The following PCDH9 variants were observed in gnomAD, a reference collection of about 807,000 sequenced individuals.
PCDH9 encodes the protein protocadherin 9, also known as protocadherin-9.
Under a neutral mutation model 70.6 loss-of-function variants are expected in PCDH9, and 24 were observed. That is an observed-to-expected ratio of 0.34 (90% CI 0.25 to 0.48). PCDH9 has a LOEUF of 0.48. Ranked by LOEUF, PCDH9 falls within the 20% of genes least tolerant of loss-of-function variation. The probability of loss-of-function intolerance (pLI) is 0.99; values close to 1 mark genes in which losing one functional copy is unlikely to be tolerated. For synonymous variants in PCDH9, 562 were observed against 558.5 expected (o/e 1.01, Z -0.09); for missense variants, 1,281 against 1,503.6 (o/e 0.85, Z 2.45).
chr13:67,104,137 C>T (rs2086488564), intron 2 of PCDH9, among the ~76,000 whole-genome samples: 2 of 152,280 alleles, frequency 1.3e-5, no homozygotes, highest in South Asian at 4.1e-4. Flanking sequence ...AACCAACTGA[C>T]AGCACCACAT....
At chr13:66,407,694 T>A (rs2138313598) in intron 4 of PCDH9, among the ~76,000 whole-genome samples, 1 of 152,322 alleles carries the variant, frequency 6.6e-6, no homozygotes, top group Admixed American at 6.5e-5. Flanking sequence ...CCACTAATTT[T>A]TAACACGAAA....
intron 3 of PCDH9, among the ~76,000 whole-genome samples, chr13:66,631,799 A>T (rs938937870): frequency 1.3e-5 from 2 of 152,224 alleles, no homozygotes; most frequent in Admixed American, 6.5e-5. Flanking sequence ...GCAATATTTC[A>T]TTTCTTTTGA....
chr13:67,210,628 A>T (rs2089449444), intron 2 of PCDH9: 1 of 137,384 alleles, frequency 7.3e-6, no homozygotes, highest in Admixed American at 7.3e-5. Context: ...TAATAGAAAT[A>T]AAAAAATGGT....
At chr13:66,442,962 T>A (rs1166890528) in intron 4 of PCDH9, among the ~76,000 whole-genome samples, 1 of 152,244 alleles carries the variant, frequency 6.6e-6, no homozygotes, top group East Asian at 1.9e-4. Flanking sequence ...TTTCCCTTTT[T>A]GGTTTACACA....
At chr13:66,941,737 A>G (rs938859367) in intron 2 of PCDH9, among the ~76,000 whole-genome samples, 2 of 151,964 alleles carry the variant, frequency 1.3e-5, no homozygotes, top group Non-Finnish European at 2.9e-5. Context: ...TAGTTTCAAT[A>G]TACATGAAGT....
Position 66,503,706 on chromosome 13 carries a change from G to A in PCDH9, c.3340+127504C>T, listed in dbSNP as rs118088784. 4.7e-3 allele frequency among the ~76,000 whole-genome samples: 710 copies of A among 152,186 alleles called. 31 individuals are homozygous for A. In the East Asian group the frequency reaches 0.091, roughly 20 times the overall value. ...TCCAAAAGATAATATAAGTGAAAGC[G>A]CTTTGCATAGTATGCTTTTAGTTCA... On this transcript the variant is annotated intron_variant, in intron 4 of 4. Transcript: ENST00000377865.
At chr13:67,221,055 G>T (rs1055968043) in intron 2 of PCDH9, 1 of 152,026 alleles carries the variant, frequency 6.6e-6, no homozygotes, top group Non-Finnish European at 1.5e-5. Flanking sequence ...CTTAGCCAAA[G>T]AGCCATAGAA....
At chr13:66,552,673 G>A (rs1412537192) in intron 4 of PCDH9, among the ~76,000 whole-genome samples, 2 of 151,974 alleles carry the variant, frequency 1.3e-5, no homozygotes, top group Admixed American at 6.6e-5. Flanking sequence ...ATACTTTGGG[G>A]GGAAATCACA....
chr13:67,018,048 T>C (rs166336), intron 2 of PCDH9, among the ~76,000 whole-genome samples: 1 of 151,784 alleles, frequency 6.6e-6, no homozygotes, highest in African/African-American at 2.4e-5. Flanking sequence ...TTTTCTTTGA[T>C]TAGAAGCAAT....
chr13:66,780,591 A>G (rs1348035579), intron 3 of PCDH9, among the ~76,000 whole-genome samples: 1 of 152,144 alleles, frequency 6.6e-6, no homozygotes, highest in East Asian at 1.9e-4. Flanking sequence ...GTGACTTTCA[A>G]GACCATCTAT....
chr13:66,508,048 T>C (rs769860311), intron 4 of PCDH9, among the ~76,000 whole-genome samples: 1 of 152,188 alleles, frequency 6.6e-6, no homozygotes, highest in Non-Finnish European at 1.5e-5. Context: ...TGTGTCCTTC[T>C]GCAAATTGTT....
intron 4 of PCDH9, among the ~76,000 whole-genome samples, chr13:66,571,264 A>G (rs1015706353): frequency 6.6e-6 from 1 of 152,076 alleles, no homozygotes; most frequent in Non-Finnish European, 1.5e-5. Context: ...CCAGACATTT[A>G]TTGTAAATTT....
At chr13:66,773,155 C>G (rs1467531712) in intron 3 of PCDH9, among the ~76,000 whole-genome samples, 1 of 152,016 alleles carries the variant, frequency 6.6e-6, no homozygotes, top group African/African-American at 2.4e-5. Flanking sequence ...ACATCAAAGA[C>G]AAAAGAAAAT....
intron 2 of PCDH9, among the ~76,000 whole-genome samples, chr13:67,161,161 G>C (rs944349510): frequency 1.3e-5 from 2 of 152,188 alleles, no homozygotes; most frequent in Non-Finnish European, 2.9e-5. Flanking sequence ...ATTGCAGAAT[G>C]AGTCAAAATA....
At chr13:67,047,952 A>T (rs1178727402) in intron 2 of PCDH9, among the ~76,000 whole-genome samples, 1 of 152,154 alleles carries the variant, frequency 6.6e-6, no homozygotes, top group African/African-American at 2.4e-5. Context: ...TGAAAAATCA[A>T]TTTAGGGGGA....
intron 4 of PCDH9, among the ~76,000 whole-genome samples, chr13:66,512,684 A>G (rs989077253): frequency 1.4e-5 from 2 of 146,156 alleles, no homozygotes; most frequent in Non-Finnish European, 2.9e-5. Context: ...TATCACAAAA[A>G]GAAAAATTAT....
At chr13:66,779,866 T>TATATATATATAC (rs1336725254) in intron 3 of PCDH9, among the ~76,000 whole-genome samples, 19 of 71,742 alleles carry the variant, frequency 2.6e-4, no homozygotes, top group East Asian at 1.3e-3. Flanking sequence ...TATATATATA[T>TATATATATATAC]ACATATATGT....
intron 3 of PCDH9, among the ~76,000 whole-genome samples, chr13:66,877,109 T>C (rs1389874949): frequency 6.6e-6 from 1 of 151,768 alleles, no homozygotes; most frequent in African/African-American, 2.4e-5. Flanking sequence ...AAAAATATAT[T>C]TATATTTAAA....
At chr13:66,635,154 A>C (rs921976075) in intron 3 of PCDH9, among the ~76,000 whole-genome samples, 1 of 151,774 alleles carries the variant, frequency 6.6e-6, no homozygotes, top group Non-Finnish European at 1.5e-5. Context: ...TTACAGTGAG[A>C]CTCCTTCAGC....
Sources: allele counts gnomAD v4.1 joint callset (sites outside exome capture counted in the v4.1 genomes callset), GRCh38; gene constraint gnomAD v4.1.1; transcripts MANE v1.5; gene names NCBI Gene and HGNC (gene_info 2026-07-23, HGNC 2026-07-21).